UBE2G2: variants seen among roughly 807,000 people sequenced by gnomAD.
UBE2G2 encodes ubiquitin conjugating enzyme E2 G2.
UBE2G2 carries 10 observed loss-of-function variants against 23.0 expected under a neutral mutation model. The ratio of observed to expected loss-of-function variants is 0.43; its 90% CI spans 0.27 to 0.74. The LOEUF (loss-of-function observed/expected upper bound fraction) is 0.74. Ranked by LOEUF, UBE2G2 falls within the 30% of genes least tolerant of loss-of-function variation. The pLI, the probability that UBE2G2 is intolerant of heterozygous loss-of-function variation, is 0.19. For synonymous variants in UBE2G2, 86 were observed against 81.3 expected (o/e 1.06, Z -0.31); for missense variants, 150 against 218.3 (o/e 0.69, Z 1.97).
chr21:44,787,020 G>A (rs1230917577), intron 3 of UBE2G2, among the ~76,000 whole-genome samples: 2 of 151,796 alleles, frequency 1.3e-5, no homozygotes, highest in Non-Finnish European at 2.9e-5. Flanking sequence ...TGAACCCAAG[G>A]GGCAGGAGTT....
Position 44,780,968 on chromosome 21 carries a change from C to T in UBE2G2, c.126-3551G>A, listed in dbSNP as rs540520694. On this transcript the variant is annotated intron_variant, in intron 3 of 5. Coordinates refer to ENST00000345496, the MANE Select transcript of UBE2G2 (RefSeq NM_003343.6). Reference sequence around the variant, plus strand: ...CAGGGCAAGTGGGTGCCCTGAGCTTCGCCGGCAAGCGGTGTTCCAGGAACT... The same window carrying T: ...CAGGGCAAGTGGGTGCCCTGAGCTTTGCCGGCAAGCGGTGTTCCAGGAACT... Among the ~76,000 whole-genome samples, 71 of 152,334 alleles carry T rather than the reference C, an allele frequency of 4.7e-4. 1 individual carries two copies. The highest frequency in any genetic ancestry group is 1.7e-3 in the African/African-American group (70 of 41,584).
intron 1 of UBE2G2, 61 bp downstream of exon 1, chr21:44,801,645 C>T: frequency 6.7e-7 from 1 of 1,487,946 alleles, no homozygotes; most frequent in Non-Finnish European, 8.9e-7. Flanking sequence ...CCCCGCCGGA[C>T]GACGCGGGCC....
At chr21:44,801,360 A>G in intron 1 of UBE2G2, 1 of 1,125,322 alleles carries the variant, frequency 8.9e-7, no homozygotes, top group Non-Finnish European at 1.1e-6. Flanking sequence ...GCAGCAAGTC[A>G]GGCCTTCTTC....
At position 44,801,766 on chromosome 21, in the gene UBE2G2, G is replaced by T; in HGVS notation, c.-18C>A. On this transcript the variant is annotated 5_prime_UTR_variant, in exon 1 of 6. Transcript: ENST00000345496. ...CCCGCCATGGCCCCGCAACAGCTGC[G>T]CCGAGCGACCTCGCCTCAGCCGCGC... 6.6e-7 allele frequency: 1 copy of T among 1,514,702 alleles called. No homozygotes were observed. The highest frequency in any genetic ancestry group is 8.8e-7 in the Non-Finnish European group (1 of 1,133,998). The allele number at this position is 1,514,702 out of a possible 1,614,324, so 93.8% of individuals were successfully genotyped here. A position where few individuals can be genotyped will look rare whatever the true frequency, so the allele number is the denominator to read the frequency against.
At chr21:44,801,461 CTCTCAACTA>C in intron 1 of UBE2G2, 1 of 1,177,752 alleles carries the variant, frequency 8.5e-7, no homozygotes, top group Non-Finnish European at 1.1e-6. Context: ...ACTGTGTGTG[CTCTCAACTA>C]ACACGGCGCC....
chr21:44,799,535 C>T (rs1196436048), intron 1 of UBE2G2, among the ~76,000 whole-genome samples: 1 of 152,212 alleles, frequency 6.6e-6, no homozygotes, highest in East Asian at 1.9e-4. Context: ...TCTGTTAGCT[C>T]CCAATTTTTC....
rs1659175840 is a variant in UBE2G2, at chr21:44,772,493, C to T, written c.386-1004G>A. On this transcript the variant is annotated intron_variant, in intron 5 of 5. Coordinates refer to ENST00000345496, the MANE Select transcript of UBE2G2 (RefSeq NM_003343.6). This position sits in a 1 kb window ranked among gnomAD's most constrained non-coding sequence, Gnocchi z 5.4. Reference sequence around the variant, plus strand: ...GACTTGCCGCCTTCCTTTCCCACACCCTTCCTCCTGACTGCCCTGGAAGAC... The same window carrying T: ...GACTTGCCGCCTTCCTTTCCCACACTCTTCCTCCTGACTGCCCTGGAAGAC... Among the ~76,000 whole-genome samples, 1 of 152,142 alleles carries T rather than the reference C, an allele frequency of 6.6e-6. No individual in the cohort carries two copies. Among genetic ancestry groups the T allele is most frequent in the African/African-American group, 2.4e-5 (1 of 41,414 alleles).
intron 1 of UBE2G2, among the ~76,000 whole-genome samples, chr21:44,790,936 C>G (rs1408757244): frequency 2.0e-5 from 3 of 152,188 alleles, no homozygotes; most frequent in Non-Finnish European, 4.4e-5. Context: ...TTCCTAGAGA[C>G]TTGCTGAATG....
At chr21:44,800,345 T>TATCC (rs369373910) in intron 1 of UBE2G2, 2 of 152,108 alleles carry the variant, frequency 1.3e-5, no homozygotes, top group African/African-American at 4.8e-5. Context: ...TGCGGCTGCA[T>TATCC]ATCCATGGAT....
At chr21:44,784,570 C>T (rs1418284237) in intron 3 of UBE2G2, among the ~76,000 whole-genome samples, 4 of 152,082 alleles carry the variant, frequency 2.6e-5, no homozygotes, top group Non-Finnish European at 5.9e-5. Flanking sequence ...CATAATACTG[C>T]CAAGAGATGC....
chr21:44,778,954 T>TA (rs2082934512), intron 3 of UBE2G2, among the ~76,000 whole-genome samples: 2 of 152,162 alleles, frequency 1.3e-5, no homozygotes, highest in Non-Finnish European at 2.9e-5. Flanking sequence ...AAAAATAATT[T>TA]AAAAAAATAT....
chr21:44,801,554 G>T, intron 1 of UBE2G2, 152 bp downstream of exon 1: 1 of 1,187,146 alleles, frequency 8.4e-7, no homozygotes, highest in Non-Finnish European at 1.1e-6. Flanking sequence ...CGGGCGCAGG[G>T]CGCGGCACTC....
At position 44,769,051 on chromosome 21, in the gene UBE2G2, G is replaced by C. The variant is rs1336532662; in HGVS notation, c.*2326C>G. On this transcript the variant is annotated 3_prime_UTR_variant, in exon 6 of 6. Transcript: ENST00000345496. Reference sequence around the variant, plus strand: ...AAAGGGACACACACTGCAGGGCAGGGAAAACACAGAACTTTATTTCAACAG... The same window carrying C: ...AAAGGGACACACACTGCAGGGCAGGCAAAACACAGAACTTTATTTCAACAG... 4 of 152,188 alleles carry C rather than the reference G, an allele frequency of 2.6e-5. No individual in the cohort carries two copies. The highest frequency in any genetic ancestry group is 5.9e-5 in the Non-Finnish European group (4 of 68,046). The allele number at this position is 152,188 out of a possible 1,614,324, so 9.4% of individuals were successfully genotyped here.
At chr21:44,779,513 C>CT (rs1215319794) in intron 3 of UBE2G2, among the ~76,000 whole-genome samples, 1 of 151,848 alleles carries the variant, frequency 6.6e-6, no homozygotes, top group Non-Finnish European at 1.5e-5. Context: ...GAGTACCCCC[C>CT]CCGGCCCACA....
intron 1 of UBE2G2, chr21:44,801,406 G>A (rs1256059628): frequency 1.4e-5 from 17 of 1,207,840 alleles, no homozygotes; most frequent in East Asian, 7.6e-5. Flanking sequence ...AGGCTGCCAA[G>A]AAAAGAAAAA....
intron 3 of UBE2G2, among the ~76,000 whole-genome samples, chr21:44,777,911 T>C (rs1478368441): frequency 6.6e-6 from 1 of 152,208 alleles, no homozygotes; most frequent in Non-Finnish European, 1.5e-5. Context: ...CAATGTCCCA[T>C]TCTCCAGTTT....
intron 1 of UBE2G2, among the ~76,000 whole-genome samples, chr21:44,790,354 GT>G (rs2083033458): frequency 6.6e-6 from 1 of 152,202 alleles, no homozygotes; most frequent in Non-Finnish European, 1.5e-5. Flanking sequence ...TGGGTCTTAT[GT>G]TGCCATAGAC....
intron 1 of UBE2G2, among the ~76,000 whole-genome samples, chr21:44,791,407 T>C (rs532264367): frequency 6.6e-5 from 10 of 152,130 alleles, no homozygotes; most frequent in Non-Finnish European, 1.3e-4. Context: ...TGTGCAGCCT[T>C]GGTACTTGGT....
Position 44,771,405 on chromosome 21 carries a change from T to C in UBE2G2, c.470A>G (p.Gln157Arg), listed in dbSNP as rs367711670. 18 of 1,613,110 alleles carry C rather than the reference T, an allele frequency of 1.1e-5. No homozygotes were observed. Among genetic ancestry groups the C allele is most frequent in the Non-Finnish European group, 1.5e-5 (18 of 1,180,054 alleles). Residue 157 changes from glutamine to arginine, a missense_variant, in exon 6 of 6, where the codon CAG (glutamine) becomes CGG (arginine). Physicochemically the swap from Gln to Arg is conservative, Grantham distance 43. Transcript: ENST00000345496. The surrounding 1 kb of genome is among the most constrained non-coding windows in gnomAD (Gnocchi z 4.6). ...CAGTCCCAGAGACTTCTGGACGATC[T>C]GCTTGGCAATCTTATAGAACTGCTC... ...DREQFYKIAK[Q>R]IVQKSLGL
Sources: allele counts gnomAD v4.1 joint callset (sites outside exome capture counted in the v4.1 genomes callset), GRCh38; gene constraint gnomAD v4.1.1; non-coding constraint Gnocchi (gnomAD v3.1); transcripts MANE v1.5; gene names NCBI Gene and HGNC (gene_info 2026-07-23, HGNC 2026-07-21).